The following UACA variants were observed in gnomAD, a reference collection of about 807,000 sequenced individuals.
The protein encoded by UACA is uveal autoantigen with coiled-coil domains and ankyrin repeats, also known as nuclear membrane binding protein.
A neutral mutation model predicts 160.5 loss-of-function variants in UACA; 112 were observed. The observed-to-expected ratio is 0.70, with a 90% CI of 0.60 to 0.82. The LOEUF is 0.82. Among genes scored for constraint, UACA ranks in the 40% least tolerant of loss-of-function variants. The pLI is 0.00. For synonymous variants in UACA, 557 were observed against 568.4 expected, an observed-to-expected ratio of 0.98 and a Z score of 0.29; for missense variants, 1,574 against 1,614.6, an observed-to-expected ratio of 0.97 and a Z score of 0.43.
At chr15:70,712,377 C>T (rs75162713) in intron 1 of UACA, among the ~76,000 whole-genome samples, 3 of 152,122 alleles carry the variant, frequency 2.0e-5, no homozygotes, top group Non-Finnish European at 4.4e-5. Flanking sequence ...CATCCCTCAC[C>T]AGGATGGCTG....
rs1259925145 is a variant in UACA, at chr15:70,763,470, G to A, written c.-63C>T. The A allele has an allele frequency of 2.4e-6, 3 of 1,266,544 alleles. No homozygotes were observed. Among genetic ancestry groups the A allele is most frequent in the East Asian group, 3.2e-5 (1 of 31,664 alleles). 78.5% of individuals were successfully genotyped at this position (1,266,544 alleles called of 1,614,324 possible). A position where few individuals can be genotyped will look rare whatever the true frequency, so the allele number is the denominator to read the frequency against. ...GCTGCGGAGTGCCAGCGCGCAAGGA[G>A]TAGACGGCAGCGGCTGCAGCAGAGG... is the stretch of plus-strand genomic sequence containing the variant. On this transcript the variant is annotated 5_prime_UTR_variant, in exon 1 of 19. Coordinates refer to ENST00000322954, the MANE Select transcript of UACA (RefSeq NM_018003.4).
At chr15:70,697,185 T>C (rs1323816675) in intron 2 of UACA, among the ~76,000 whole-genome samples, 2 of 152,174 alleles carry the variant, frequency 1.3e-5, no homozygotes, top group Non-Finnish European at 2.9e-5. Context: ...ATGAGACATA[T>C]GCTTAAAGGT....
At chr15:70,678,266 A>C in intron 10 of UACA, 60 bp from the exon 11 acceptor site, 1 of 1,263,160 alleles carries the variant, frequency 7.9e-7, no homozygotes, top group Non-Finnish European at 1.1e-6. Flanking sequence ...TTCTTAAAGG[A>C]GAAATTTTTA....
rs143936769 is a variant in UACA at position 70,737,159 on chromosome 15, C to T, written c.78+26171G>A. On this transcript the variant is annotated intron_variant, in intron 1 of 18. Transcript: ENST00000322954. ...CTGATAACTTAATTTGAATAGGTGG[C>T]CATCGGGGCTGAGTGTTTGAAACCA... Among the ~76,000 whole-genome samples, 41 of 152,288 alleles carry T rather than the reference C, an allele frequency of 2.7e-4. No individual in the cohort carries two copies. The East Asian group carries it at 7.5e-3, about 28-fold the overall frequency.
At chr15:70,775,525 G>T in the UACA span, among the ~76,000 whole-genome samples, 2 of 149,220 alleles carry the variant, frequency 1.3e-5, no homozygotes, top group South Asian at 4.2e-4. Context: ...AGGAACACCG[G>T]GCATGAATTA....
Position 70,656,911 on chromosome 15 carries a change from A to AT in UACA, c.*144dup. ...TGAAAAAGACTAACATATTCATCTAATTTTAAAAAAAAACCTACCAATAGA... is the reference window on the plus strand; with the variant it reads ...TGAAAAAGACTAACATATTCATCTAATTTTTAAAAAAAAACCTACCAATAGA... On this transcript the variant is annotated 3_prime_UTR_variant, in exon 19 of 19. Transcript: ENST00000322954. 1.9e-6 allele frequency: 1 copy of AT among 522,668 alleles called. No homozygotes were observed. Among genetic ancestry groups the AT allele is most frequent in the Non-Finnish European group, 3.3e-6 (1 of 300,602 alleles). The allele number at this position is 522,668 out of a possible 1,614,324, so 32.4% of individuals were successfully genotyped here.
chr15:70,753,170 A>G (rs976493588), intron 1 of UACA, among the ~76,000 whole-genome samples: 1 of 152,256 alleles, frequency 6.6e-6, no homozygotes, highest in Non-Finnish European at 1.5e-5. Flanking sequence ...GGGCATCAGC[A>G]GAAAAAATGG....
chr15:70,749,163 G>T, intron 1 of UACA: 1 of 419,838 alleles, frequency 2.4e-6, no homozygotes, highest in Non-Finnish European at 4.8e-6. Context: ...GTAGCATGCA[G>T]GTGGATCCTA....
intron 1 of UACA, among the ~76,000 whole-genome samples, chr15:70,750,280 T>A (rs1425532751): frequency 1.3e-5 from 2 of 152,194 alleles, no homozygotes; most frequent in Admixed American, 6.6e-5. Flanking sequence ...CGTTTGATTT[T>A]GGAATTTCCC....
intron 2 of UACA, 146 bp from the exon 3 acceptor site, chr15:70,695,251 T>C: frequency 2.0e-6 from 1 of 495,818 alleles, no homozygotes; most frequent in Non-Finnish European, 3.5e-6. Context: ...CCTACATATT[T>C]AATTAAAATT....
chr15:70,751,174 T>A (rs1220403034), intron 1 of UACA, among the ~76,000 whole-genome samples: 2 of 152,168 alleles, frequency 1.3e-5, no homozygotes, highest in African/African-American at 4.8e-5. Context: ...TTACCTTATA[T>A]TATCTGCTCA....
At chr15:70,698,491 A>G (rs1898212252) in intron 2 of UACA, among the ~76,000 whole-genome samples, 1 of 152,208 alleles carries the variant, frequency 6.6e-6, no homozygotes, top group Admixed American at 6.5e-5. Context: ...TCAAACTGCT[A>G]CTTGATAAAA....
intron 1 of UACA, among the ~76,000 whole-genome samples, chr15:70,744,705 A>G (rs940783483): frequency 1.3e-5 from 2 of 152,200 alleles, no homozygotes; most frequent in African/African-American, 4.8e-5. Context: ...ATATTAGTAG[A>G]ATTGAATTTT....
At chr15:70,682,121 T>C (rs1369646758) in intron 9 of UACA, 2 of 152,128 alleles carry the variant, frequency 1.3e-5, no homozygotes, top group African/African-American at 4.8e-5. Flanking sequence ...TTAACACAAA[T>C]AGATTAGCAG....
At position 70,656,919 on chromosome 15, in the gene UACA, A is replaced by C. The variant is rs1194818555; in HGVS notation, c.*137T>G. 1 of 553,340 alleles carries C rather than the reference A, an allele frequency of 1.8e-6. No individual in the cohort carries two copies. Among genetic ancestry groups the C allele is most frequent in the East Asian group, 3.0e-5 (1 of 33,760 alleles). The allele number at this position is 553,340 out of a possible 1,614,324, so 34.3% of individuals were successfully genotyped here. On this transcript the variant is annotated 3_prime_UTR_variant, in exon 19 of 19. Coordinates refer to ENST00000322954, the MANE Select transcript of UACA (RefSeq NM_018003.4). ...ACTAACATATTCATCTAATTTTAAA[A>C]AAAAACCTACCAATAGAACAAAATA...
intron 1 of UACA, among the ~76,000 whole-genome samples, chr15:70,719,413 C>T (rs1326439170): frequency 6.6e-6 from 1 of 152,160 alleles, no homozygotes; most frequent in Non-Finnish European, 1.5e-5. Flanking sequence ...GGGGGATTCC[C>T]CCGACAGGCA....
chr15:70,690,566 T>C (rs2140949659), intron 4 of UACA, 55 bp from the exon 5 acceptor site: 1 of 1,388,756 alleles, frequency 7.2e-7, no homozygotes, highest in Admixed American at 1.8e-5. Context: ...TAAAATTAGA[T>C]ATCCAGACTC....
Position 70,655,296 on chromosome 15 carries a change from T to A in UACA, c.*1760A>T, listed in dbSNP as rs1041527447. 6.6e-6 allele frequency: 1 copy of A among 152,324 alleles called. No homozygotes were observed. The highest frequency in any genetic ancestry group is 2.4e-5 in the African/African-American group (1 of 41,436). 9.4% of individuals were successfully genotyped at this position (152,324 alleles called of 1,614,324 possible). A position where few individuals can be genotyped will look rare whatever the true frequency, so the allele number is the denominator to read the frequency against. On this transcript the variant is annotated 3_prime_UTR_variant, in exon 19 of 19. Transcript: ENST00000322954. ...AAGCTGGAGTGCAGTGGCGAGATCT[T>A]GGCTCACTGCAACCTCCGCCTCCCA...
chr15:70,678,795 C>G (rs1402364021), intron 10 of UACA, among the ~76,000 whole-genome samples: 5 of 151,718 alleles, frequency 3.3e-5, no homozygotes, highest in Admixed American at 3.3e-4. Flanking sequence ...AAACTTTGAC[C>G]AATATAAAAG....
Sources: gnomAD v4.1 joint callset for allele counts (sites outside exome capture counted in the v4.1 genomes callset) on GRCh38, gnomAD v4.1.1 for gene constraint, MANE v1.5 for transcripts, NCBI Gene and HGNC (gene_info 2026-07-23, HGNC 2026-07-21) for gene names.